Variants in CDC73 observed in about 807,000 individuals in gnomAD.
The protein encoded by CDC73 is parafibromin.
In CDC73, 21 loss-of-function variants were observed where a neutral mutation model predicts 83.7. The ratio of observed to expected loss-of-function variants is 0.25; its 90% CI spans 0.18 to 0.36. CDC73 has a LOEUF of 0.36. Ranked by LOEUF, CDC73 falls within the 10% of genes least tolerant of loss-of-function variation. CDC73 has a pLI of 1.00. For missense variants in CDC73, 342 were observed against 653.3 expected (o/e 0.52, Z 5.19); for synonymous variants, 224 against 212.9 (o/e 1.05, Z -0.45).
At chr1:193,207,525 C>G (rs1028856412) in intron 11 of CDC73, among the ~76,000 whole-genome samples, 17 of 152,102 alleles carry the variant, frequency 1.1e-4, no homozygotes, top group African/African-American at 4.1e-4. Context: ...TTATAGACCT[C>G]CCCCCAGAAA....
At chr1:193,200,260 T>A (rs973839020) in intron 10 of CDC73, among the ~76,000 whole-genome samples, 8 of 152,126 alleles carry the variant, frequency 5.3e-5, no homozygotes, top group African/African-American at 1.9e-4. Flanking sequence ...GGTAACATTT[T>A]AAAATTAAAT....
chr1:193,168,450 A>T (rs1676468563), intron 10 of CDC73, among the ~76,000 whole-genome samples: 1 of 151,878 alleles, frequency 6.6e-6, no homozygotes, highest in African/African-American at 2.4e-5. Context: ...ATTTTTTGTG[A>T]TTTGTATTGT....
chr1:193,178,741 T>A (rs1263767646), intron 10 of CDC73, among the ~76,000 whole-genome samples: 1 of 152,190 alleles, frequency 6.6e-6, no homozygotes, highest in Non-Finnish European at 1.5e-5. Context: ...CAGAATCACT[T>A]GATTTAGAGT....
At chr1:193,188,777 C>T (rs556449266) in intron 10 of CDC73, among the ~76,000 whole-genome samples, 7 of 152,050 alleles carry the variant, frequency 4.6e-5, no homozygotes, top group East Asian at 3.9e-4. Context: ...CCTCCAGTAT[C>T]GGATTGAGTC....
intron 13 of CDC73, 28 bp downstream of exon 13, chr1:193,212,505 C>T (rs1307776532): frequency 1.2e-5 from 15 of 1,275,148 alleles, no homozygotes; most frequent in Middle Eastern, 1.8e-4. Flanking sequence ...CTATCCTGTA[C>T]GTAGGATATT....
In CDC73 at chr1:193,234,314, T is replaced by A. The variant is rs989060754; in HGVS notation, c.1316+1160T>A. Among the ~76,000 whole-genome samples, 35 of 21,626 alleles carry A rather than the reference T, an allele frequency of 1.6e-3. 1 individual carries two copies. The highest frequency in any genetic ancestry group is 7.4e-3 in the East Asian group (15 of 2,016). The allele number at this position is 21,626 out of a possible 152,430, so 14.2% of individuals were successfully genotyped here. On this transcript the variant is annotated intron_variant, in intron 14 of 16. Coordinates refer to ENST00000367435, the MANE Select transcript of CDC73 (RefSeq NM_024529.5). ...ATTATATATATAATATAATTTAAAA[T>A]ATATATATATTTAAAACACACACAT...
At chr1:193,161,300 A>G (rs1676304612) in intron 10 of CDC73, 1 of 173,386 alleles carries the variant, frequency 5.8e-6, no homozygotes. Flanking sequence ...TTGAAATTTC[A>G]GAATGGTGCT....
chr1:193,220,316 A>C (rs1455753806), intron 13 of CDC73, among the ~76,000 whole-genome samples: 4 of 151,952 alleles, frequency 2.6e-5, no homozygotes. Context: ...GGCGTGCGGC[A>C]CAACACCTGG....
intron 13 of CDC73, among the ~76,000 whole-genome samples, chr1:193,228,458 T>C (rs1677601357): frequency 6.6e-6 from 1 of 152,180 alleles, no homozygotes; most frequent in East Asian, 1.9e-4. Context: ...GTTGCAATAA[T>C]CCACACAATG....
chr1:193,213,839 C>T (rs919695793), intron 13 of CDC73, among the ~76,000 whole-genome samples: 6 of 152,104 alleles, frequency 3.9e-5, no homozygotes, highest in African/African-American at 1.4e-4. Flanking sequence ...ATATCTCAAG[C>T]CTTGAGTTGA....
rs1675585227 is a variant in CDC73, at chr1:193,126,903, C to T, written c.237+1686C>T. Among the ~76,000 whole-genome samples, 3 of 152,202 alleles carry T rather than the reference C, an allele frequency of 2.0e-5. No homozygotes were observed. The East Asian group carries it at 5.8e-4, about 29-fold the overall frequency. ...GAAACTTAACTTCTATAACTCTAAC[C>T]TCCCTCCCAACTAGAAATAGTTAAG... On this transcript the variant is annotated intron_variant, in intron 2 of 16. Coordinates refer to ENST00000367435, the MANE Select transcript of CDC73 (RefSeq NM_024529.5).
At chr1:193,190,549 A>T (rs999695683) in intron 10 of CDC73, among the ~76,000 whole-genome samples, 2 of 152,230 alleles carry the variant, frequency 1.3e-5, no homozygotes, top group Non-Finnish European at 2.9e-5. Flanking sequence ...GAATGACCAC[A>T]AGTGTCAGTG....
chr1:193,250,614 C>T, intron 16 of CDC73, 62 bp from the exon 17 acceptor site: 1 of 1,155,622 alleles, frequency 8.7e-7, no homozygotes, highest in Non-Finnish European at 1.3e-6. Flanking sequence ...TTTTTACATG[C>T]ATTATTCTAA....
At chr1:193,217,490 AC>A in intron 13 of CDC73, among the ~76,000 whole-genome samples, 1 of 151,874 alleles carries the variant, frequency 6.6e-6, no homozygotes, top group East Asian at 1.9e-4. Context: ...CTGTGGCCAG[AC>A]CCTGCGTCAT....
intron 10 of CDC73, among the ~76,000 whole-genome samples, chr1:193,171,988 C>G (rs1338151624): frequency 6.6e-6 from 1 of 152,124 alleles, no homozygotes; most frequent in Non-Finnish European, 1.5e-5. Flanking sequence ...AGTGCAGTGG[C>G]ATCTCAGCTC....
intron 7 of CDC73, among the ~76,000 whole-genome samples, chr1:193,142,921 T>G (rs554063065): frequency 6.6e-6 from 1 of 152,304 alleles, no homozygotes; most frequent in East Asian, 1.9e-4. Flanking sequence ...CTTTTCCTCT[T>G]TAGTGCCTCA....
intron 10 of CDC73, chr1:193,178,943 T>C (rs576033459): frequency 6.6e-6 from 1 of 152,294 alleles, no homozygotes; most frequent in Non-Finnish European, 1.5e-5. Flanking sequence ...CATACTTGTA[T>C]GGAATAAAAA....
chr1:193,199,864 T>C (rs1677060020), intron 10 of CDC73, among the ~76,000 whole-genome samples: 1 of 151,988 alleles, frequency 6.6e-6, no homozygotes, highest in South Asian at 2.1e-4. Context: ...TTAAAACATA[T>C]GTGACTTTTG....
At chr1:193,204,251 G>GTA (rs1310657160) in intron 11 of CDC73, among the ~76,000 whole-genome samples, 24 of 106,434 alleles carry the variant, frequency 2.3e-4, no homozygotes, top group African/African-American at 3.9e-4. Context: ...ATATATATGT[G>GTA]TATGTGTGTG....
Sources: gnomAD v4.1 joint callset for allele counts (sites outside exome capture counted in the v4.1 genomes callset) on GRCh38, gnomAD v4.1.1 for gene constraint, MANE v1.5 for transcripts, NCBI Gene and HGNC (gene_info 2026-07-23, HGNC 2026-07-21) for gene names.